UBE2D2: variants seen among roughly 807,000 people sequenced by gnomAD.
The protein encoded by UBE2D2 is ubiquitin-conjugating enzyme E2 D2.
Under a neutral mutation model 24.2 loss-of-function variants are expected in UBE2D2, and 2 were observed. That is an observed-to-expected ratio of 0.08 (90% CI 0.03 to 0.26). UBE2D2 has a LOEUF of 0.26. Ranked by LOEUF, UBE2D2 falls within the 10% of genes least tolerant of loss-of-function variation. The pLI, the probability that UBE2D2 is intolerant of heterozygous loss-of-function variation, is 1.00. For missense variants in UBE2D2, 44 were observed against 177.6 expected (o/e 0.25, Z 4.28); for synonymous variants, 58 against 56.5 (o/e 1.03, Z -0.12).
chr5:139,565,869 C>G (rs1186933976), intron 1 of UBE2D2, among the ~76,000 whole-genome samples: 1 of 152,086 alleles, frequency 6.6e-6, no homozygotes, highest in Admixed American at 6.6e-5. Flanking sequence ...TGAAGACTGA[C>G]CAGAGTTGGA....
chr5:139,592,329 TAGTG>T (rs1227878417), intron 1 of UBE2D2, among the ~76,000 whole-genome samples: 2 of 152,176 alleles, frequency 1.3e-5, no homozygotes, highest in Non-Finnish European at 2.9e-5. Context: ...ATCTTCTTGG[TAGTG>T]AGTTTTCTAG....
chr5:139,560,524 G>C (rs1209937208), upstream of UBE2D2, among the ~76,000 whole-genome samples: 1 of 151,948 alleles, frequency 6.6e-6, no homozygotes. Context: ...TAGAGATGGG[G>C]TTTCACCATG....
chr5:139,537,267 T>A (rs1752696117), intron 1 of UBE2D2, among the ~76,000 whole-genome samples: 1 of 152,146 alleles, frequency 6.6e-6, no homozygotes, highest in Admixed American at 6.5e-5. Flanking sequence ...AATTGTCTTA[T>A]AAACTTCATT....
At chr5:139,576,512 A>G (rs75037583) in intron 1 of UBE2D2, among the ~76,000 whole-genome samples, 6,132 of 151,998 alleles carry the variant, frequency 0.04, 190 homozygotes, top group Middle Eastern at 0.12. Context: ...CGGACTACAG[A>G]CACGTGCCAC....
chr5:139,592,672 G>C (rs966646263), intron 1 of UBE2D2, among the ~76,000 whole-genome samples: 5 of 147,816 alleles, frequency 3.4e-5, no homozygotes, highest in Non-Finnish European at 7.4e-5. Context: ...GCACGACCTC[G>C]GCTCACTGCA....
rs576183094 is a variant in UBE2D2 at position 139,535,009 on chromosome 5, C to T, written c.-64+8397C>T. On this transcript the variant is annotated intron_variant, in intron 1 of 6. Transcript: ENST00000511725. ...GAAAAATTAGCCAGGTTTGGTGGTA[C>T]ATGCCTGTAGTCCCAGCTACTCAGG... 5.3e-5 allele frequency among the ~76,000 whole-genome samples: 8 copies of T among 151,652 alleles called. No homozygotes were observed. The East Asian group carries it at 1.6e-3, about 30-fold the overall frequency.
chr5:139,563,210 A>G (rs1753147171), intron 1 of UBE2D2, among the ~76,000 whole-genome samples: 1 of 152,218 alleles, frequency 6.6e-6, no homozygotes, highest in Non-Finnish European at 1.5e-5. Flanking sequence ...TTGATGATTT[A>G]AACACCTCAG....
intron 1 of UBE2D2, among the ~76,000 whole-genome samples, chr5:139,551,643 A>G (rs1461600324): frequency 6.6e-6 from 1 of 152,222 alleles, no homozygotes; most frequent in African/African-American, 2.4e-5. Context: ...ACTGGGGATT[A>G]AAAGAGGAAC....
chr5:139,619,032 A>T (rs142546686), intron 5 of UBE2D2, among the ~76,000 whole-genome samples: 70 of 152,346 alleles, frequency 4.6e-4, no homozygotes, highest in African/African-American at 1.6e-3. Context: ...GAAGGGAAGC[A>T]GATAAGTGTG....
intron 1 of UBE2D2, among the ~76,000 whole-genome samples, chr5:139,574,555 C>T (rs1753427202): frequency 1.3e-5 from 2 of 151,926 alleles, no homozygotes; most frequent in Non-Finnish European, 2.9e-5. Flanking sequence ...GGCATACAGG[C>T]AGTCAGAGTT....
chr5:139,561,939 G>A, intron 1 of UBE2D2, 124 bp downstream of exon 1: 2 of 1,338,276 alleles, frequency 1.5e-6, no homozygotes, highest in South Asian at 3.3e-5. Context: ...GGCCCCTCGG[G>A]GCGGCCTCCA....
intron 1 of UBE2D2, among the ~76,000 whole-genome samples, chr5:139,539,993 C>A (rs1241900909): frequency 6.6e-6 from 1 of 150,842 alleles, no homozygotes; most frequent in Admixed American, 6.6e-5. Flanking sequence ...AATCTCGGCT[C>A]ACTGCAACCT....
chr5:139,549,441 G>A (rs867904032), intron 1 of UBE2D2, among the ~76,000 whole-genome samples: 35 of 152,340 alleles, frequency 2.3e-4, no homozygotes, highest in Middle Eastern at 3.4e-3. Flanking sequence ...CACTCCGAGC[G>A]GCCGGCTGGC....
At chr5:139,578,257 T>C (rs1231637950) in intron 1 of UBE2D2, among the ~76,000 whole-genome samples, 1 of 152,232 alleles carries the variant, frequency 6.6e-6, no homozygotes, top group Non-Finnish European at 1.5e-5. Flanking sequence ...CAGCTGTTTG[T>C]CTGATCTGCT....
At chr5:139,532,195 G>T (rs1290846588) in intron 1 of UBE2D2, among the ~76,000 whole-genome samples, 3 of 150,194 alleles carry the variant, frequency 2.0e-5, no homozygotes, top group Non-Finnish European at 4.4e-5. Flanking sequence ...TTTTGGGGGG[G>T]ACAGAGTCTT....
chr5:139,550,930 G>A (rs1441032511), intron 1 of UBE2D2, among the ~76,000 whole-genome samples: 4 of 152,254 alleles, frequency 2.6e-5, no homozygotes, highest in Non-Finnish European at 5.9e-5. Context: ...AAGTCAGTGA[G>A]ACCAAGAACC....
intron 1 of UBE2D2, among the ~76,000 whole-genome samples, chr5:139,569,542 TGTCTG>T (rs1753308132): frequency 6.6e-6 from 1 of 152,214 alleles, no homozygotes; most frequent in South Asian, 2.1e-4. Context: ...ACACTTGTTT[TGTCTG>T]TAGAAATAAA....
intron 1 of UBE2D2, among the ~76,000 whole-genome samples, chr5:139,580,792 G>A (rs1318528137): frequency 2.0e-5 from 3 of 152,152 alleles, no homozygotes; most frequent in Admixed American, 6.6e-5. Flanking sequence ...GTGGTGGCAT[G>A]TGCTGGTAGT....
At chr5:139,616,992 G>A (rs926427517) in intron 5 of UBE2D2, among the ~76,000 whole-genome samples, 4 of 152,064 alleles carry the variant, frequency 2.6e-5, no homozygotes, top group East Asian at 3.9e-4. Context: ...GACCAGCTTG[G>A]CCAACATGGC....
Sources: gnomAD v4.1 joint callset for allele counts (sites outside exome capture counted in the v4.1 genomes callset) on GRCh38, gnomAD v4.1.1 for gene constraint, MANE v1.5 for transcripts, NCBI Gene and HGNC (gene_info 2026-07-23, HGNC 2026-07-21) for gene names.